The following FERMT2 variants were observed in gnomAD, a reference collection of about 807,000 sequenced individuals.
FERMT2 encodes FERM domain containing kindlin 2.
Under a neutral mutation model 82.7 loss-of-function variants are expected in FERMT2, and 15 were observed. The observed-to-expected ratio is 0.18, with a 90% CI of 0.12 to 0.28. FERMT2 has a LOEUF of 0.28. FERMT2 is among the 10% of genes least tolerant of loss of function. The probability of loss-of-function intolerance (pLI) is 1.00; values close to 1 mark genes in which losing one functional copy is unlikely to be tolerated. For missense variants in FERMT2, 645 were observed against 809.4 expected (o/e 0.80, Z 2.46); for synonymous variants, 274 against 271.5 (o/e 1.01, Z -0.09).
chr14:52,906,655 G>C (rs1476845352), intron 3 of FERMT2, among the ~76,000 whole-genome samples: 1 of 151,632 alleles, frequency 6.6e-6, no homozygotes, highest in Non-Finnish European at 1.5e-5. Context: ...ATAGAAAAAT[G>C]AAAAATCTAT....
At position 52,861,791 on chromosome 14, in the gene FERMT2, A is replaced by G. The variant is rs553836612; in HGVS notation, c.1603-1326T>C. On this transcript the variant is annotated intron_variant, in intron 12 of 14. Transcript: ENST00000341590. ...CACAGCATGTTTAGTTAATATATAT[A>G]TAATTGAAGGGAATTAAAGTAGGTT... 3.3e-5 allele frequency: 5 copies of G among 152,420 alleles called. No individual in the cohort carries two copies. In the East Asian group the frequency reaches 9.6e-4, roughly 29 times the overall value. The allele number at this position is 152,420 out of a possible 1,614,324, so 9.4% of individuals were successfully genotyped here.
At chr14:52,925,188 T>G (rs1889184391) in intron 2 of FERMT2, among the ~76,000 whole-genome samples, 1 of 152,162 alleles carries the variant, frequency 6.6e-6, no homozygotes, top group Non-Finnish European at 1.5e-5. Flanking sequence ...ATGAAAATCC[T>G]GAGAAAAATG....
At chr14:52,872,036 C>G (rs1415061927) in intron 10 of FERMT2, 2 of 152,214 alleles carry the variant, frequency 1.3e-5, no homozygotes, top group African/African-American at 2.4e-5. Context: ...TACTGGCGAG[C>G]CAGGAAAATT....
At chr14:52,887,242 A>G (rs1389785021) in intron 4 of FERMT2, among the ~76,000 whole-genome samples, 1 of 151,566 alleles carries the variant, frequency 6.6e-6, no homozygotes, top group African/African-American at 2.4e-5. Flanking sequence ...GGTTCAAGTG[A>G]TTCTCCTGCC....
intron 3 of FERMT2, among the ~76,000 whole-genome samples, chr14:52,895,022 A>G (rs1034158093): frequency 6.6e-6 from 1 of 152,220 alleles, no homozygotes; most frequent in African/African-American, 2.4e-5. Flanking sequence ...GAATATAAAA[A>G]GAGCCCTAAC....
intron 2 of FERMT2, among the ~76,000 whole-genome samples, chr14:52,940,187 C>A (rs980086376): frequency 1.3e-5 from 2 of 152,112 alleles, no homozygotes; most frequent in Non-Finnish European, 2.9e-5. Context: ...AGAAAGGTCA[C>A]CCCAAGGATG....
intron 6 of FERMT2, among the ~76,000 whole-genome samples, chr14:52,880,665 G>C (rs983121417): frequency 6.6e-6 from 1 of 152,066 alleles, no homozygotes; most frequent in African/African-American, 2.4e-5. Flanking sequence ...TCAAAGTGCT[G>C]AGATTACAGG....
At chr14:52,876,006 AAT>A (rs1332360079) in intron 7 of FERMT2, among the ~76,000 whole-genome samples, 1 of 152,200 alleles carries the variant, frequency 6.6e-6, no homozygotes, top group Non-Finnish European at 1.5e-5. Flanking sequence ...TTGGATACAG[AAT>A]AGTTACTGAT....
At chr14:52,915,355 G>A (rs552309100) in intron 3 of FERMT2, among the ~76,000 whole-genome samples, 1 of 152,280 alleles carries the variant, frequency 6.6e-6, no homozygotes, top group African/African-American at 2.4e-5. Flanking sequence ...AGAGGTACTT[G>A]CTCTATCAGA....
intron 14 of FERMT2, chr14:52,859,326 G>T: frequency 2.6e-6 from 1 of 380,310 alleles, no homozygotes; most frequent in African/African-American, 2.1e-5. Context: ...GAGTAGATCG[G>T]CTTTATCCAT....
intron 6 of FERMT2, 127 bp downstream of exon 6, chr14:52,880,909 T>G (rs1886256604): frequency 1.7e-6 from 1 of 591,278 alleles, no homozygotes; most frequent in Non-Finnish European, 2.8e-6. Context: ...GTTTGGGTTT[T>G]TAATAATTAT....
intron 2 of FERMT2, among the ~76,000 whole-genome samples, chr14:52,933,315 C>T (rs1889674898): frequency 6.6e-6 from 1 of 152,084 alleles, no homozygotes; most frequent in Non-Finnish European, 1.5e-5. Flanking sequence ...AGGTCCCCAA[C>T]ATCTCTACCC....
At chr14:52,950,345 G>A (rs1176994400) in intron 2 of FERMT2, 67 bp downstream of exon 2, 5 of 1,517,212 alleles carry the variant, frequency 3.3e-6, no homozygotes, top group Non-Finnish European at 4.5e-6. Context: ...CCCCCGTCGT[G>A]AGCCTCTTTC....
At chr14:52,938,340 GA>G (rs1355753231) in intron 2 of FERMT2, among the ~76,000 whole-genome samples, 1 of 152,092 alleles carries the variant, frequency 6.6e-6, no homozygotes, top group African/African-American at 2.4e-5. Flanking sequence ...GTATTTGAAG[GA>G]TAACTGTAGA....
chr14:52,907,912 T>C (rs1888108813), intron 3 of FERMT2, among the ~76,000 whole-genome samples: 1 of 152,084 alleles, frequency 6.6e-6, no homozygotes, highest in Non-Finnish European at 1.5e-5. Flanking sequence ...GTTAATGAAA[T>C]GGTAAGCCAC....
chr14:52,876,943 T>C (rs188641428), intron 7 of FERMT2, among the ~76,000 whole-genome samples: 7 of 152,286 alleles, frequency 4.6e-5, no homozygotes, highest in African/African-American at 1.4e-4. Flanking sequence ...GATTCTAAAA[T>C]GGTCTTGGAG....
intron 3 of FERMT2, among the ~76,000 whole-genome samples, chr14:52,896,212 CTG>C (rs1195041852): frequency 6.6e-6 from 1 of 152,182 alleles, no homozygotes; most frequent in East Asian, 1.9e-4. Flanking sequence ...CAGCACGTGA[CTG>C]TGTATCACAA....
chr14:52,876,477 T>TCTAC (rs1297453651), intron 7 of FERMT2, among the ~76,000 whole-genome samples: 3 of 152,180 alleles, frequency 2.0e-5, no homozygotes, highest in Non-Finnish European at 4.4e-5. Flanking sequence ...AATCTGCATT[T>TCTAC]TTACTCACTG....
intron 3 of FERMT2, among the ~76,000 whole-genome samples, chr14:52,913,092 C>T (rs1888417293): frequency 1.3e-5 from 2 of 152,040 alleles, no homozygotes; most frequent in Non-Finnish European, 2.9e-5. Flanking sequence ...AAAACAGCAA[C>T]AACAAACGAT....
Sources: gnomAD v4.1 joint callset for allele counts (sites outside exome capture counted in the v4.1 genomes callset) on GRCh38, gnomAD v4.1.1 for gene constraint, MANE v1.5 for transcripts, NCBI Gene and HGNC (gene_info 2026-07-23, HGNC 2026-07-21) for gene names.